The following AGBL4 variants were observed in gnomAD, a reference collection of about 807,000 sequenced individuals.
AGBL4 encodes the protein AGBL carboxypeptidase 4.
AGBL4 carries 58 observed loss-of-function variants against 66.4 expected under a neutral mutation model. The observed-to-expected ratio is 0.87, with a 90% CI of 0.71 to 1.09. AGBL4 has a LOEUF of 1.09. AGBL4 is among the 50% of genes least tolerant of loss of function. The pLI is 0.00. For synonymous variants in AGBL4, 234 were observed against 222.9 expected, an observed-to-expected ratio of 1.05 and a Z score of -0.44; for missense variants, 579 against 631.0, an observed-to-expected ratio of 0.92 and a Z score of 0.88.
chr1:49,930,608 A>G (rs780117467), intron 1 of AGBL4, among the ~76,000 whole-genome samples: 1 of 152,128 alleles, frequency 6.6e-6, no homozygotes, highest in Non-Finnish European at 1.5e-5. Context: ...TTATATGAAG[A>G]ACACAAGGTT....
chr1:49,507,460 T>A (rs1433288566), intron 3 of AGBL4, among the ~76,000 whole-genome samples: 1 of 152,012 alleles, frequency 6.6e-6, no homozygotes, highest in Non-Finnish European at 1.5e-5. Flanking sequence ...GTTCTATAGT[T>A]TTGCATCCTT....
At chr1:48,836,900 T>C (rs1646687655) in intron 6 of AGBL4, among the ~76,000 whole-genome samples, 1 of 151,062 alleles carries the variant, frequency 6.6e-6, no homozygotes, top group Non-Finnish European at 1.5e-5. Context: ...CTAAATGTAA[T>C]AGACAAAGTC....
intron 4 of AGBL4, among the ~76,000 whole-genome samples, chr1:49,232,179 T>C (rs1358322077): frequency 6.6e-6 from 1 of 152,162 alleles, no homozygotes; most frequent in East Asian, 1.9e-4. Context: ...TCTGGGTATA[T>C]TAAAAACCAT....
chr1:49,439,437 G>A (rs1186172111), intron 3 of AGBL4, among the ~76,000 whole-genome samples: 1 of 152,154 alleles, frequency 6.6e-6, no homozygotes, highest in Admixed American at 6.5e-5. Context: ...GTCTTCTACT[G>A]TTCTTTATCC....
chr1:49,973,880 G>T (rs1272770890), intron 1 of AGBL4, among the ~76,000 whole-genome samples: 1 of 151,728 alleles, frequency 6.6e-6, no homozygotes, highest in Non-Finnish European at 1.5e-5. Flanking sequence ...ACTGGAGGAA[G>T]GGAATAAGAG....
chr1:48,600,328 G>A (rs1248054135), intron 9 of AGBL4, among the ~76,000 whole-genome samples: 1 of 152,146 alleles, frequency 6.6e-6, no homozygotes, highest in Non-Finnish European at 1.5e-5. Context: ...TATGGGGGAG[G>A]ATAATAATAA....
At chr1:49,903,207 G>T (rs758104511) in intron 1 of AGBL4, among the ~76,000 whole-genome samples, 1 of 152,118 alleles carries the variant, frequency 6.6e-6, no homozygotes, top group Non-Finnish European at 1.5e-5. Flanking sequence ...CATGGATGGC[G>T]CTGGAGATCA....
At chr1:49,374,018 A>C (rs1212702677) in intron 3 of AGBL4, among the ~76,000 whole-genome samples, 1 of 152,110 alleles carries the variant, frequency 6.6e-6, no homozygotes, top group African/African-American at 2.4e-5. Flanking sequence ...CAAAATCATA[A>C]AATAACATCA....
chr1:49,043,898 C>T (rs1184993875), intron 5 of AGBL4, among the ~76,000 whole-genome samples: 1 of 152,120 alleles, frequency 6.6e-6, no homozygotes, highest in African/African-American at 2.4e-5. Context: ...AAATGCGTCT[C>T]ACTTTTATGT....
intron 5 of AGBL4, among the ~76,000 whole-genome samples, chr1:49,010,218 A>G (rs1662278357): frequency 6.7e-6 from 1 of 148,818 alleles, no homozygotes. Flanking sequence ...AATCACAAGC[A>G]TTCTTATACA....
intron 1 of AGBL4, among the ~76,000 whole-genome samples, chr1:49,975,183 T>C (rs1044908238): frequency 2.6e-5 from 4 of 152,196 alleles, no homozygotes; most frequent in African/African-American, 9.6e-5. Flanking sequence ...CAAGATAAAA[T>C]ATTAAGAACA....
intron 2 of AGBL4, among the ~76,000 whole-genome samples, chr1:49,785,623 G>A (rs1644434247): frequency 6.6e-6 from 1 of 151,788 alleles, no homozygotes. Flanking sequence ...TATACAATGG[G>A]ATTTTTAATC....
At chr1:49,901,616 A>G (rs1295182564) in intron 1 of AGBL4, among the ~76,000 whole-genome samples, 1 of 152,272 alleles carries the variant, frequency 6.6e-6, no homozygotes. Flanking sequence ...AATACTGACC[A>G]AAGCAATTTA....
chr1:49,404,463 G>A (rs1645153757), intron 3 of AGBL4, among the ~76,000 whole-genome samples: 1 of 152,102 alleles, frequency 6.6e-6, no homozygotes, highest in Non-Finnish European at 1.5e-5. Context: ...CATCCAGTGT[G>A]GTGTTTTGTG....
chr1:48,841,866 A>G (rs1268053176), intron 6 of AGBL4, among the ~76,000 whole-genome samples: 5 of 152,156 alleles, frequency 3.3e-5, no homozygotes, highest in Admixed American at 2.0e-4. Flanking sequence ...CTGTTCCATC[A>G]TGACAAATAA....
chr1:49,754,113 C>A (rs1450025017), intron 2 of AGBL4, among the ~76,000 whole-genome samples: 1 of 152,136 alleles, frequency 6.6e-6, no homozygotes, highest in African/African-American at 2.4e-5. Context: ...TGTTCTCTTG[C>A]TGGCGAGGAG....
intron 7 of AGBL4, among the ~76,000 whole-genome samples, chr1:48,661,238 G>A (rs1646102487): frequency 6.6e-6 from 1 of 152,248 alleles, no homozygotes; most frequent in Admixed American, 6.5e-5. Context: ...GGTGGCAGGA[G>A]GGAGTGGGCC....
chr1:49,793,944 G>C (rs1470021767), intron 2 of AGBL4, among the ~76,000 whole-genome samples: 1 of 151,934 alleles, frequency 6.6e-6, no homozygotes, highest in Non-Finnish European at 1.5e-5. Context: ...ATTCAAGAAA[G>C]AGAGAAGTCT....
At chr1:49,217,156 G>A (rs553989975) in intron 4 of AGBL4, among the ~76,000 whole-genome samples, 1 of 152,134 alleles carries the variant, frequency 6.6e-6, no homozygotes, top group South Asian at 2.1e-4. Flanking sequence ...CAGAGAGAGA[G>A]AGAACTACTA....
Sources: allele counts gnomAD v4.1 joint callset (sites outside exome capture counted in the v4.1 genomes callset), GRCh38; gene constraint gnomAD v4.1.1; transcripts MANE v1.5; gene names NCBI Gene and HGNC (gene_info 2026-07-23, HGNC 2026-07-21).